The following CREB3 variants were observed in gnomAD, a reference collection of about 807,000 sequenced individuals.
CREB3 encodes the protein cAMP responsive element binding protein 3, also known as cyclic AMP-responsive element-binding protein 3.
Under a neutral mutation model 34.5 loss-of-function variants are expected in CREB3, and 29 were observed. The ratio of observed to expected loss-of-function variants is 0.84; its 90% CI spans 0.63 to 1.15. The LOEUF is 1.15. CREB3 is among the 50% of genes most tolerant of loss of function. The pLI, the probability that CREB3 is intolerant of heterozygous loss-of-function variation, is 0.00. For synonymous variants in CREB3, 187 were observed against 173.9 expected, an observed-to-expected ratio of 1.08 and a Z score of -0.59; for missense variants, 447 against 443.4, an observed-to-expected ratio of 1.01 and a Z score of -0.07.
intron 3 of CREB3, 50 bp downstream of exon 3, chr9:35,733,332 G>A (rs764056084): frequency 1.9e-6 from 3 of 1,609,666 alleles, no homozygotes; most frequent in Non-Finnish European, 2.6e-6. Context: ...CCAGGTGGGG[G>A]CAGGATTCCC....
chr9:35,736,689 G>A lies in CREB3; in HGVS notation c.1079G>A (p.Ser360Asn). 1 of 1,611,576 alleles carries A rather than the reference G, an allele frequency of 6.2e-7. No individual in the cohort carries two copies. The highest frequency in any genetic ancestry group is 8.5e-7 in the Non-Finnish European group (1 of 1,179,988). The change falls in exon 9 of 9, where the codon AGC (serine) becomes AAC (asparagine). Residue 360 changes from serine (S) to asparagine (N), a missense_variant. Transcript: ENST00000353704. ...AAGGGAGGATGGCTTCCTACTGGTA[G>A]CCCCTCTGTCATTTTGCAGGACAGA... is the stretch of plus-strand genomic sequence containing the variant. ...TRKGGWLPTG[S>N]PSVILQDRYS...
chr9:35,736,206 C>G (rs1020799522), intron 7 of CREB3, 21 bp from the exon 8 acceptor site: 1 of 1,613,528 alleles, frequency 6.2e-7, no homozygotes, highest in African/African-American at 1.3e-5. Flanking sequence ...CCTTCTTCAT[C>G]TCCTTTTTCC....
At chr9:35,733,805 C>G (rs1826143326) in intron 4 of CREB3, among the ~76,000 whole-genome samples, 1 of 152,116 alleles carries the variant, frequency 6.6e-6, no homozygotes, top group African/African-American at 2.4e-5. Context: ...AGTAATCCAC[C>G]TCTTGCTGAA....
intron 5 of CREB3, 35 bp from the exon 6 acceptor site, chr9:35,735,271 A>G (rs1158267813): frequency 1.9e-6 from 3 of 1,607,216 alleles, no homozygotes; most frequent in Middle Eastern, 1.6e-4. Flanking sequence ...GGGAGGATAC[A>G]GGCCATATCC....
At chr9:35,734,332 TAG>T (rs376802819) in intron 4 of CREB3, among the ~76,000 whole-genome samples, 1 of 152,188 alleles carries the variant, frequency 6.6e-6, no homozygotes, top group African/African-American at 2.4e-5. Context: ...ACTGTAGCAA[TAG>T]AGTTATTGTC....
In CREB3 at chr9:35,736,806, G is replaced by C; in HGVS notation, c.*80G>C. The C allele has an allele frequency of 5.4e-6, 7 of 1,293,046 alleles. No homozygotes were observed. Among genetic ancestry groups the C allele is most frequent in the Non-Finnish European group, 7.5e-6 (7 of 929,404 alleles). The allele number at this position is 1,293,046 out of a possible 1,614,324, so 80.1% of individuals were successfully genotyped here. The stretch of plus-strand genomic sequence containing the variant: ...TCCAAATAAAAAGCGGTGGGCAAGG[G>C]CTGGCCGCAGCTCCTGTGCCCTGTC... On this transcript the variant is annotated 3_prime_UTR_variant, in exon 9 of 9. Transcript: ENST00000353704.
intron 3 of CREB3, 32 bp downstream of exon 3, chr9:35,733,314 C>T (rs1230544735): frequency 1.9e-6 from 3 of 1,613,136 alleles, no homozygotes; most frequent in Admixed American, 3.3e-5. Flanking sequence ...AGATTACTCT[C>T]ACATTCCCCA....
chr9:35,735,795 A>G (rs1289031074), intron 6 of CREB3, among the ~76,000 whole-genome samples: 1 of 152,240 alleles, frequency 6.6e-6, no homozygotes, highest in African/African-American at 2.4e-5. Context: ...GACTGATGAT[A>G]TTCGCAAAGG....
In CREB3 at chr9:35,736,805, G is replaced by A; in HGVS notation, c.*79G>A. ...GTCCAAATAAAAAGCGGTGGGCAAG[G>A]GCTGGCCGCAGCTCCTGTGCCCTGT... is the stretch of plus-strand genomic sequence containing the variant. On this transcript the variant is annotated 3_prime_UTR_variant, in exon 9 of 9. Coordinates refer to ENST00000353704, the MANE Select transcript of CREB3 (RefSeq NM_006368.5). The A allele has an allele frequency of 2.2e-6, 3 of 1,342,950 alleles. No homozygotes were observed. The highest frequency in any genetic ancestry group is 3.1e-6 in the Non-Finnish European group (3 of 974,434). 83.2% of individuals were successfully genotyped at this position (1,342,950 alleles called of 1,614,324 possible).
At position 35,735,302 on chromosome 9, in the gene CREB3, C is replaced by A. The variant is rs1826179701; in HGVS notation, c.543-4C>A. On this transcript the variant is annotated splice_region_variant and splice_polypyrimidine_tract_variant and intron_variant, in intron 5 of 8. Transcript: ENST00000353704. The stretch of plus-strand genomic sequence containing the variant: ...TATCCCCGTATCTTTGTTATTTCCC[C>A]CAGGGTCTTGAAATACACAGCCCAG... The A allele has an allele frequency of 6.2e-7, 1 of 1,613,914 alleles. No individual in the cohort carries two copies. The highest frequency in any genetic ancestry group is 1.3e-5 in the African/African-American group (1 of 75,000).
intron 6 of CREB3, 55 bp downstream of exon 6, chr9:35,735,429 A>G (rs1465552109): frequency 3.4e-6 from 5 of 1,490,062 alleles, no homozygotes; most frequent in South Asian, 1.1e-5. Flanking sequence ...ATGCTTTCTC[A>G]CTCTTTCCCC....
chr9:35,736,963 G>A lies in CREB3; in HGVS notation c.*237G>A, dbSNP rs1563953688. The A allele has an allele frequency of 2.4e-6, 2 of 843,246 alleles. No homozygotes were observed. 52.2% of individuals were successfully genotyped at this position (843,246 alleles called of 1,614,324 possible). A position where few individuals can be genotyped will look rare whatever the true frequency, so the allele number is the denominator to read the frequency against. On this transcript the variant is annotated 3_prime_UTR_variant, in exon 9 of 9. Coordinates refer to ENST00000353704, the MANE Select transcript of CREB3 (RefSeq NM_006368.5). Reference sequence around the variant, plus strand: ...CTCCCTGAACATTTCACGCAGTCAGGGAACAGGTGAGGAAAGAAATAAATA... The same window carrying A: ...CTCCCTGAACATTTCACGCAGTCAGAGAACAGGTGAGGAAAGAAATAAATA...
intron 4 of CREB3, among the ~76,000 whole-genome samples, chr9:35,734,905 G>T (rs1478183349): frequency 6.7e-6 from 1 of 150,282 alleles, no homozygotes; most frequent in Non-Finnish European, 1.5e-5. Flanking sequence ...TGCCCGACCA[G>T]TTTTTTTTTT....
chr9:35,733,933 G>A (rs1011533150), intron 4 of CREB3, among the ~76,000 whole-genome samples: 5 of 152,108 alleles, frequency 3.3e-5, no homozygotes, highest in Non-Finnish European at 1.5e-5. Context: ...GAGTACTGGG[G>A]TACTATGATG....
chr9:35,732,688 C>G lies in CREB3; in HGVS notation c.-85C>G. ...GCCGTAGAGGGACAGTGGATAGGTG[C>G]CCGAGGCCTACAGCTGGCCTGGGGC... On this transcript the variant is annotated 5_prime_UTR_variant, in exon 1 of 9. Coordinates refer to ENST00000353704, the MANE Select transcript of CREB3 (RefSeq NM_006368.5). The surrounding 1 kb of genome is among the most constrained non-coding windows in gnomAD (Gnocchi z 5.1). 6 of 1,529,698 alleles carry G rather than the reference C, an allele frequency of 3.9e-6. No individual in the cohort carries two copies. Among genetic ancestry groups the G allele is most frequent in the Non-Finnish European group, 5.3e-6 (6 of 1,136,538 alleles). The allele number at this position is 1,529,698 out of a possible 1,614,324, so 94.8% of individuals were successfully genotyped here.
intron 4 of CREB3, among the ~76,000 whole-genome samples, chr9:35,734,127 C>T (rs934435293): frequency 2.0e-5 from 3 of 152,114 alleles, no homozygotes; most frequent in Non-Finnish European, 4.4e-5. Context: ...GTGCACACTA[C>T]CCTGCCCGGC....
Position 35,736,494 on chromosome 9 carries a change from T to G in CREB3, c.884T>G (p.Leu295Trp). 1 of 1,614,200 alleles carries G rather than the reference T, an allele frequency of 6.2e-7. No individual in the cohort carries two copies. The highest frequency in any genetic ancestry group is 8.5e-7 in the Non-Finnish European group (1 of 1,180,030). ...EVPKDSTHQW[L>W]DGSDCVLQAP... ...CCGAAAGACAGCACACACCAGTGGT[T>G]GGACGGCTCAGACTGTGTACTCCAG... Residue 295 changes from leucine to tryptophan, a missense_variant, in exon 9 of 9, where the codon TTG becomes TGG. Coordinates refer to ENST00000353704, the MANE Select transcript of CREB3 (RefSeq NM_006368.5).
Position 35,736,709 on chromosome 9 carries a change from G to T in CREB3, c.1099G>T (p.Asp367Tyr). 1 of 1,608,716 alleles carries T rather than the reference G, an allele frequency of 6.2e-7. No individual in the cohort carries two copies. The change falls in exon 9 of 9, where the codon GAC (aspartate) becomes TAC (tyrosine). Residue 367 changes from aspartate (D) to tyrosine (Y), a missense_variant. Asp to Tyr is a radical substitution (Grantham distance 160). Transcript: ENST00000353704. ...TGGTAGCCCCTCTGTCATTTTGCAG[G>T]ACAGATACTCAGGCTAGATATGAGG... Reference protein sequence around the residue: ...PTGSPSVILQDRYSG With the variant: ...PTGSPSVILQYRYSG
rs773149805 is a variant in CREB3, at chr9:35,736,740, T to G, written c.*14T>G. ...TACTCAGGCTAGATATGAGGATATG[T>G]GGGGGGTCTCAGCAGGAGCCTGGGG... On this transcript the variant is annotated 3_prime_UTR_variant, in exon 9 of 9. Transcript: ENST00000353704. 6 of 1,589,682 alleles carry G rather than the reference T, an allele frequency of 3.8e-6. No individual in the cohort carries two copies. The highest frequency in any genetic ancestry group is 2.2e-5 in the South Asian group (2 of 90,158).
Sources: gnomAD v4.1 joint callset for allele counts (sites outside exome capture counted in the v4.1 genomes callset) on GRCh38, gnomAD v4.1.1 for gene constraint, Gnocchi (gnomAD v3.1) non-coding constraint, MANE v1.5 for transcripts, NCBI Gene and HGNC (gene_info 2026-07-23, HGNC 2026-07-21) for gene names.